The following FHIT variants were observed in gnomAD, a reference collection of about 807,000 sequenced individuals.
FHIT encodes bis(5'-adenosyl)-triphosphatase.
FHIT carries 19 observed loss-of-function variants against 17.9 expected under a neutral mutation model. The observed-to-expected ratio is 1.06, with a 90% CI of 0.74 to 1.56. The LOEUF (loss-of-function observed/expected upper bound fraction) is 1.56, where lower values mean the gene tolerates loss of function less well. FHIT is among the 40% of genes most tolerant of loss of function. FHIT has a pLI of 0.00. For synonymous variants in FHIT, 81 were observed against 69.7 expected (o/e 1.16, Z -0.81); for missense variants, 248 against 189.2 (o/e 1.31, Z -1.82).
At chr3:60,308,424 G>T (rs1449920050) in intron 5 of FHIT, among the ~76,000 whole-genome samples, 1 of 151,206 alleles carries the variant, frequency 6.6e-6, no homozygotes, top group African/African-American at 2.4e-5. Context: ...AGACCAGGAG[G>T]ACATCATCCT....
At chr3:60,124,270 T>A (rs1220018289) in intron 5 of FHIT, among the ~76,000 whole-genome samples, 1 of 151,654 alleles carries the variant, frequency 6.6e-6, no homozygotes, top group African/African-American at 2.4e-5. Flanking sequence ...ACCAGACCAG[T>A]TTGAAGACTA....
At chr3:61,094,633 G>C (rs1334167389) in intron 2 of FHIT, among the ~76,000 whole-genome samples, 1 of 152,156 alleles carries the variant, frequency 6.6e-6, no homozygotes, top group East Asian at 1.9e-4. Flanking sequence ...TATTGACAAT[G>C]ATAGCTAATG....
chr3:59,795,126 C>T (rs1188435829), intron 8 of FHIT, among the ~76,000 whole-genome samples: 3 of 152,212 alleles, frequency 2.0e-5, no homozygotes, highest in Non-Finnish European at 4.4e-5. Context: ...TGGCTCATGC[C>T]TGTAATCCCA....
intron 5 of FHIT, among the ~76,000 whole-genome samples, chr3:60,403,452 G>C (rs1445481367): frequency 6.6e-6 from 1 of 152,076 alleles, no homozygotes; most frequent in Non-Finnish European, 1.5e-5. Context: ...AGAAACAAAA[G>C]ACTCTTGGAC....
At chr3:60,904,194 C>T (rs1422231897) in intron 3 of FHIT, among the ~76,000 whole-genome samples, 1 of 152,096 alleles carries the variant, frequency 6.6e-6, no homozygotes, top group Non-Finnish European at 1.5e-5. Context: ...ATCTGCTGAG[C>T]CCTGCACTAA....
At position 60,546,634 on chromosome 3, in the gene FHIT, G is replaced by A. The variant is rs139554370; in HGVS notation, c.-17-9655C>T. The stretch of plus-strand genomic sequence containing the variant: ...GCAGCTGTGGGCTCCAGCACCACCT[G>A]CTTCTTTTGAATCTTACTTTCCCTT... On this transcript the variant is annotated intron_variant, in intron 4 of 9. Coordinates refer to ENST00000492590, the MANE Select transcript of FHIT (RefSeq NM_002012.4). Among the ~76,000 whole-genome samples, 110 of 152,242 alleles carry A rather than the reference G, an allele frequency of 7.2e-4. 1 individual carries two copies. In the East Asian group the frequency reaches 0.017, roughly 24 times the overall value.
Position 60,716,804 on chromosome 3 carries a change from C to T in FHIT, c.-18+105115G>A, listed in dbSNP as rs78593005. ...CATCACCACAAGCACGTGAGTAATT[C>T]GTGACGCTATGATATTAGCACACTA... On this transcript the variant is annotated intron_variant, in intron 4 of 9. Coordinates refer to ENST00000492590, the MANE Select transcript of FHIT (RefSeq NM_002012.4). 0.01 allele frequency among the ~76,000 whole-genome samples: 1,597 copies of T among 152,280 alleles called. 114 individuals are homozygous for T. The East Asian group carries it at 0.18, about 17-fold the overall frequency.
chr3:60,510,425 C>G (rs1193914078), intron 5 of FHIT, among the ~76,000 whole-genome samples: 3 of 152,198 alleles, frequency 2.0e-5, no homozygotes, highest in African/African-American at 7.2e-5. Flanking sequence ...GAAGTATTCT[C>G]TCTTCTACAT....
chr3:60,845,252 A>AT (rs544801165), intron 3 of FHIT, among the ~76,000 whole-genome samples: 2 of 151,888 alleles, frequency 1.3e-5, no homozygotes. Context: ...AAAAAATAAA[A>AT]TTTTTTTTGT....
intron 7 of FHIT, among the ~76,000 whole-genome samples, chr3:59,983,665 T>C (rs140460841): frequency 8.7e-4 from 132 of 152,240 alleles, no homozygotes; most frequent in African/African-American, 3.1e-3. Context: ...TATAGTCCTT[T>C]CCCTCTCCAG....
chr3:59,873,616 G>C (rs1418106837), intron 8 of FHIT, among the ~76,000 whole-genome samples: 4 of 152,168 alleles, frequency 2.6e-5, no homozygotes, highest in African/African-American at 9.7e-5. Context: ...ATTACAGCAT[G>C]TTGAGCAGCA....
chr3:60,534,651 T>C (rs2035917721), intron 5 of FHIT, among the ~76,000 whole-genome samples: 1 of 152,136 alleles, frequency 6.6e-6, no homozygotes, highest in African/African-American at 2.4e-5. Flanking sequence ...GTTCTCATTG[T>C]TCTTATAATC....
At chr3:60,021,221 A>G (rs1485340492) in intron 5 of FHIT, among the ~76,000 whole-genome samples, 1 of 152,176 alleles carries the variant, frequency 6.6e-6, no homozygotes, top group East Asian at 1.9e-4. Context: ...TGGGTCAGAG[A>G]TATGATGAGA....
At chr3:60,631,489 G>A (rs956047186) in intron 4 of FHIT, among the ~76,000 whole-genome samples, 1 of 152,118 alleles carries the variant, frequency 6.6e-6, no homozygotes, top group Non-Finnish European at 1.5e-5. Flanking sequence ...TGTGCTTGCT[G>A]GACCTATCCA....
In FHIT at chr3:60,378,170, A is replaced by G. The variant is rs1432614125; in HGVS notation, c.103+158690T>C. ...GCCTCCCGAGTAGCTGGGACTACAGACGCCTGCCACTATGCCCGGCTAATT... is the reference window on the plus strand; with the variant it reads ...GCCTCCCGAGTAGCTGGGACTACAGGCGCCTGCCACTATGCCCGGCTAATT... On this transcript the variant is annotated intron_variant, in intron 5 of 9. Coordinates refer to ENST00000492590, the MANE Select transcript of FHIT (RefSeq NM_002012.4). Among the ~76,000 whole-genome samples, 7 of 150,774 alleles carry G rather than the reference A, an allele frequency of 4.6e-5. No homozygotes were observed. In the East Asian group the frequency reaches 1.2e-3, roughly 26 times the overall value.
chr3:61,245,200 T>C (rs1182788338), intron 1 of FHIT, among the ~76,000 whole-genome samples: 1 of 152,178 alleles, frequency 6.6e-6, no homozygotes, highest in Non-Finnish European at 1.5e-5. Context: ...TTAGCTACCA[T>C]TTATGGAGTA....
intron 3 of FHIT, among the ~76,000 whole-genome samples, chr3:60,866,585 G>A (rs1704175108): frequency 6.6e-6 from 1 of 152,162 alleles, no homozygotes; most frequent in Non-Finnish European, 1.5e-5. Flanking sequence ...TACTAAGCCT[G>A]TCCCAAATTC....
chr3:60,495,034 T>C (rs2034238287), intron 5 of FHIT, among the ~76,000 whole-genome samples: 1 of 152,196 alleles, frequency 6.6e-6, no homozygotes, highest in South Asian at 2.1e-4. Flanking sequence ...TTTAGTTTTC[T>C]GAGTAACCTC....
At chr3:60,028,663 G>T (rs952646456) in intron 5 of FHIT, among the ~76,000 whole-genome samples, 1 of 152,124 alleles carries the variant, frequency 6.6e-6, no homozygotes, top group Non-Finnish European at 1.5e-5. Flanking sequence ...CCCCAGAAGT[G>T]CACTTTGAAT....
Sources: gnomAD v4.1 joint callset for allele counts (sites outside exome capture counted in the v4.1 genomes callset) on GRCh38, gnomAD v4.1.1 for gene constraint, MANE v1.5 for transcripts, NCBI Gene and HGNC (gene_info 2026-07-23, HGNC 2026-07-21) for gene names.